Variants in CSTF3 observed in about 807,000 individuals in gnomAD.
CSTF3 encodes cleavage stimulation factor subunit 3.
Under a neutral mutation model 105.8 loss-of-function variants are expected in CSTF3, and 29 were observed. The observed-to-expected ratio is 0.27, with a 90% CI of 0.20 to 0.37. The LOEUF is 0.37. Ranked by LOEUF, CSTF3 falls within the 10% of genes least tolerant of loss-of-function variation. The pLI is 1.00. For synonymous variants in CSTF3, 252 were observed against 281.9 expected, an observed-to-expected ratio of 0.89 and a Z score of 1.06; for missense variants, 357 against 879.3, an observed-to-expected ratio of 0.41 and a Z score of 7.51.
At chr11:33,149,875 T>C (rs574893207) in intron 1 of CSTF3, among the ~76,000 whole-genome samples, 3 of 151,994 alleles carry the variant, frequency 2.0e-5, no homozygotes, top group Admixed American at 6.6e-5. Context: ...AAAAATTAGC[T>C]GGGCATGGTG....
At chr11:33,132,290 C>T (rs1855607451) in intron 3 of CSTF3, among the ~76,000 whole-genome samples, 1 of 151,726 alleles carries the variant, frequency 6.6e-6, no homozygotes, top group Non-Finnish European at 1.5e-5. Context: ...TACAGTAACA[C>T]AGTAAGAAAA....
intron 3 of CSTF3, among the ~76,000 whole-genome samples, chr11:33,120,298 G>C (rs1467315396): frequency 6.6e-6 from 1 of 151,534 alleles, no homozygotes; most frequent in Non-Finnish European, 1.5e-5. Context: ...AAAAGTTAAG[G>C]TTTTATAGAC....
At chr11:33,148,563 G>T (rs1035881438) in intron 1 of CSTF3, among the ~76,000 whole-genome samples, 1 of 152,014 alleles carries the variant, frequency 6.6e-6, no homozygotes, top group Non-Finnish European at 1.5e-5. Context: ...AGGCGTGGTG[G>T]TATGTGCCTG....
chr11:33,085,870 C>T (rs767794182), intron 19 of CSTF3, 25 bp downstream of exon 19: 1 of 1,580,704 alleles, frequency 6.3e-7, no homozygotes, highest in Admixed American at 1.8e-5. Flanking sequence ...GAGCCAGTAT[C>T]TACCATGAAA....
chr11:33,099,710 A>G lies in CSTF3; in HGVS notation c.834T>C (p.Phe278=). 1.9e-6 allele frequency: 3 copies of G among 1,580,862 alleles called. No individual in the cohort carries two copies. Among genetic ancestry groups the G allele is most frequent in the Non-Finnish European group, 2.6e-6 (3 of 1,163,268 alleles). ...GCACAAGCAGGCACTGTTCATAAGC[A>G]AACATAACTAAGGGAAGAAATTAAC... is the stretch of plus-strand genomic sequence containing the variant. ...DQTLITKRVM[F]AYEQCLLVLG... Residue 278 remains phenylalanine (F), a synonymous_variant, in exon 11 of 21, where the codon TTT becomes TTC. Coordinates refer to ENST00000323959, the MANE Select transcript of CSTF3 (RefSeq NM_001326.3). This position sits in a 1 kb window ranked among gnomAD's most constrained non-coding sequence, Gnocchi z 4.1.
At chr11:33,120,098 TAAAAATATTGA>T (rs1855471960) in intron 3 of CSTF3, among the ~76,000 whole-genome samples, 1 of 151,652 alleles carries the variant, frequency 6.6e-6, no homozygotes, top group Non-Finnish European at 1.5e-5. Flanking sequence ...TATGACTATG[TAAAAATATTGA>T]AATAAAATTG....
Position 33,099,548 on chromosome 11 carries a change from A to G in CSTF3, c.936+60T>C, listed in dbSNP as rs1166513381. ...CAAAATTCAGTTATATTTTTCAGTA[A>G]ATAATTGCTATATCAAAACCACAAA... is the stretch of plus-strand genomic sequence containing the variant. On this transcript the variant is annotated intron_variant, in intron 11 of 20. Coordinates refer to ENST00000323959, the MANE Select transcript of CSTF3 (RefSeq NM_001326.3). This position sits in a 1 kb window ranked among gnomAD's most constrained non-coding sequence, Gnocchi z 4.1. 9.2e-7 allele frequency: 1 copy of G among 1,084,126 alleles called. No individual in the cohort carries two copies. The highest frequency in any genetic ancestry group is 1.4e-6 in the Non-Finnish European group (1 of 737,680). 67.2% of individuals were successfully genotyped at this position (1,084,126 alleles called of 1,614,324 possible). A position where few individuals can be genotyped will look rare whatever the true frequency, so the allele number is the denominator to read the frequency against.
intron 1 of CSTF3, among the ~76,000 whole-genome samples, chr11:33,160,327 A>C (rs567624708): frequency 1.3e-5 from 2 of 152,254 alleles, no homozygotes; most frequent in East Asian, 3.9e-4. Context: ...ATCTCTGCCA[A>C]CCTCCAATAA....
At chr11:33,122,386 A>G (rs1325417033) in intron 3 of CSTF3, among the ~76,000 whole-genome samples, 6 of 152,252 alleles carry the variant, frequency 3.9e-5, no homozygotes, top group African/African-American at 1.4e-4. Context: ...GTGAATCAAG[A>G]TTTTTCTTCA....
chr11:33,127,917 C>G (rs772340080), intron 3 of CSTF3, among the ~76,000 whole-genome samples: 1 of 152,076 alleles, frequency 6.6e-6, no homozygotes, highest in African/African-American at 2.4e-5. Context: ...AAAATTATCC[C>G]TTTTAGTAAA....
In CSTF3 at chr11:33,108,019, A is replaced by G; in HGVS notation, c.259-19T>C. The G allele has an allele frequency of 6.9e-7, 1 of 1,458,676 alleles. No homozygotes were observed. Among genetic ancestry groups the G allele is most frequent in the South Asian group, 1.2e-5 (1 of 82,252 alleles). 90.4% of individuals were successfully genotyped at this position (1,458,676 alleles called of 1,614,324 possible). ...GAAATAGCTTTAAATACAAGAATATATTATCAGAATCCAGTTAAATAAATT... is the reference window on the plus strand; with the variant it reads ...GAAATAGCTTTAAATACAAGAATATGTTATCAGAATCCAGTTAAATAAATT... On this transcript the variant is annotated intron_variant, in intron 4 of 20. Coordinates refer to ENST00000323959, the MANE Select transcript of CSTF3 (RefSeq NM_001326.3).
chr11:33,107,803 T>C (rs1211586162), intron 5 of CSTF3, 100 bp downstream of exon 5: 3 of 656,906 alleles, frequency 4.6e-6, no homozygotes, highest in Admixed American at 3.2e-5. Context: ...CAAATCCTGA[T>C]AATTCTTCCC....
At position 33,085,786 on chromosome 11, in the gene CSTF3, T is replaced by G. The variant is rs774200981; in HGVS notation, c.1891-13A>C. The G allele has an allele frequency of 1.1e-4, 180 of 1,612,734 alleles. 1 individual carries two copies. In the South Asian group the frequency reaches 1.9e-3, roughly 17 times the overall value. ...GTACAAAAGGACCCTATTTTTGACA[T>G]GAATAAATTTTAATCCCAGTAATCT... On this transcript the variant is annotated splice_polypyrimidine_tract_variant and intron_variant, in intron 19 of 20. Coordinates refer to ENST00000323959, the MANE Select transcript of CSTF3 (RefSeq NM_001326.3).
At chr11:33,150,410 A>G (rs1271025873) in intron 1 of CSTF3, among the ~76,000 whole-genome samples, 1 of 152,052 alleles carries the variant, frequency 6.6e-6, no homozygotes, top group African/African-American at 2.4e-5. Context: ...TCCTAATATC[A>G]TTTTTCAGGC....
At chr11:33,148,837 A>G (rs114258456) in intron 1 of CSTF3, among the ~76,000 whole-genome samples, 2,436 of 149,842 alleles carry the variant, frequency 0.016, 76 homozygotes, top group African/African-American at 0.057. Context: ...AGGAAAAAGC[A>G]TGTGTGTGTG....
rs1347776472 is a variant in CSTF3, at chr11:33,122,986, A to G, written c.226-14568T>C. Among the ~76,000 whole-genome samples the G allele has an allele frequency of 5.3e-5, 8 of 152,076 alleles. No individual in the cohort carries two copies. The South Asian group carries it at 6.2e-4, about 12-fold the overall frequency. On this transcript the variant is annotated intron_variant, in intron 3 of 20. Transcript: ENST00000323959. ...GTAAAACAGGTCAGTAAGAACATCA[A>G]AATAACAAAGGAAAGTATGTTCTTT...
At chr11:33,101,182 T>C (rs1246640755) in intron 10 of CSTF3, among the ~76,000 whole-genome samples, 1 of 152,150 alleles carries the variant, frequency 6.6e-6, no homozygotes, top group Non-Finnish European at 1.5e-5. Context: ...CTTACTGTCT[T>C]GAAGTAACAT....
At chr11:33,139,417 T>C (rs1356322483) in intron 3 of CSTF3, among the ~76,000 whole-genome samples, 1 of 152,008 alleles carries the variant, frequency 6.6e-6, no homozygotes, top group African/African-American at 2.4e-5. Context: ...TTACTTTCAA[T>C]GTAAAAACAT....
At chr11:33,126,890 G>T (rs1423219990) in intron 3 of CSTF3, among the ~76,000 whole-genome samples, 1 of 152,156 alleles carries the variant, frequency 6.6e-6, no homozygotes, top group African/African-American at 2.4e-5. Flanking sequence ...GAGTATTATA[G>T]GGGAAAAGGA....
Sources: gnomAD v4.1 joint callset for allele counts (sites outside exome capture counted in the v4.1 genomes callset) on GRCh38, gnomAD v4.1.1 for gene constraint, Gnocchi (gnomAD v3.1) non-coding constraint, MANE v1.5 for transcripts, NCBI Gene and HGNC (gene_info 2026-07-23, HGNC 2026-07-21) for gene names.